The following KCND2 variants were observed in gnomAD, a reference collection of about 807,000 sequenced individuals.
The protein encoded by KCND2 is A-type voltage-gated potassium channel KCND2.
KCND2 carries 16 observed loss-of-function variants against 54.4 expected under a neutral mutation model. That is an observed-to-expected ratio of 0.29 (90% confidence interval 0.20 to 0.45). The LOEUF is 0.45. KCND2 is among the 20% of genes least tolerant of loss of function. The pLI, the probability that KCND2 is intolerant of heterozygous loss-of-function variation, is 1.00. For synonymous variants in KCND2, 317 were observed against 310.7 expected, an observed-to-expected ratio of 1.02 and a Z score of -0.21; for missense variants, 486 against 824.2, an observed-to-expected ratio of 0.59 and a Z score of 5.02.
chr7:120,595,503 GTGTGTGTATATATATGTATATATA>G (rs1384979558), intron 1 of KCND2, among the ~76,000 whole-genome samples: 2 of 144,128 alleles, frequency 1.4e-5, no homozygotes, highest in African/African-American at 2.5e-5. Flanking sequence ...ATATATGTGT[GTGTGTGTATATATATGTATATATA>G]TGTGTATATA....
At chr7:120,456,691 C>T (rs1216701018) in intron 1 of KCND2, among the ~76,000 whole-genome samples, 1 of 152,182 alleles carries the variant, frequency 6.6e-6, no homozygotes. Flanking sequence ...GTTGCTTTTA[C>T]AGCTGGCATT....
At chr7:120,287,917 T>C (rs981184223) in intron 1 of KCND2, among the ~76,000 whole-genome samples, 1 of 152,104 alleles carries the variant, frequency 6.6e-6, no homozygotes, top group Non-Finnish European at 1.5e-5. Context: ...TTAGATATTA[T>C]AGATAGAAAA....
At chr7:120,417,311 A>G (rs562514406) in intron 1 of KCND2, among the ~76,000 whole-genome samples, 5 of 152,362 alleles carry the variant, frequency 3.3e-5, no homozygotes, top group Middle Eastern at 3.4e-3. Context: ...CAAATTTCAA[A>G]GAGACTTATA....
chr7:120,706,429 G>T (rs994486788), intron 1 of KCND2, among the ~76,000 whole-genome samples: 4 of 152,154 alleles, frequency 2.6e-5, no homozygotes, highest in Non-Finnish European at 5.9e-5. Context: ...TCTGGTGAAG[G>T]CTGCATCCTC....
intron 1 of KCND2, among the ~76,000 whole-genome samples, chr7:120,572,371 A>G (rs1203051015): frequency 6.6e-6 from 1 of 152,178 alleles, no homozygotes; most frequent in Non-Finnish European, 1.5e-5. Flanking sequence ...TACAAAAACA[A>G]TGCAGAGGTG....
At chr7:120,617,936 A>G (rs1330177749) in intron 1 of KCND2, among the ~76,000 whole-genome samples, 9 of 152,202 alleles carry the variant, frequency 5.9e-5, no homozygotes, top group Non-Finnish European at 1.2e-4. Context: ...GCATGTTCTC[A>G]CTTATAAGTG....
At chr7:120,622,616 C>T (rs987191041) in intron 1 of KCND2, among the ~76,000 whole-genome samples, 1 of 148,940 alleles carries the variant, frequency 6.7e-6, no homozygotes, top group African/African-American at 2.5e-5. Flanking sequence ...ATTAAGCTAA[C>T]GTCATTACCA....
intron 1 of KCND2, among the ~76,000 whole-genome samples, chr7:120,533,234 T>A (rs1791863718): frequency 6.6e-6 from 1 of 152,086 alleles, no homozygotes; most frequent in Non-Finnish European, 1.5e-5. Flanking sequence ...ATGTGAAAAC[T>A]TTTCTAACCA....
chr7:120,539,709 T>G (rs1791956438), intron 1 of KCND2, among the ~76,000 whole-genome samples: 4 of 152,200 alleles, frequency 2.6e-5, no homozygotes, highest in Admixed American at 1.3e-4. Context: ...GATTAATATA[T>G]TCTAGCAAAT....
At chr7:120,706,233 A>G (rs1414128983) in intron 1 of KCND2, among the ~76,000 whole-genome samples, 1 of 152,172 alleles carries the variant, frequency 6.6e-6, no homozygotes, top group Non-Finnish European at 1.5e-5. Context: ...TGAGTACCGA[A>G]GATTATATAA....
At chr7:120,390,237 A>G (rs1189595965) in intron 1 of KCND2, among the ~76,000 whole-genome samples, 1 of 151,884 alleles carries the variant, frequency 6.6e-6, no homozygotes, top group Non-Finnish European at 1.5e-5. Flanking sequence ...GGTTCCATAA[A>G]TATAGTATGT....
At chr7:120,341,967 G>T (rs923866893) in intron 1 of KCND2, among the ~76,000 whole-genome samples, 1 of 152,050 alleles carries the variant, frequency 6.6e-6, no homozygotes, top group Non-Finnish European at 1.5e-5. Context: ...AATAGAAGTG[G>T]CCGTGTGTCA....
intron 1 of KCND2, among the ~76,000 whole-genome samples, chr7:120,289,075 CACAGAGAGAG>C (rs1410397978): frequency 1.1e-3 from 26 of 23,136 alleles, no homozygotes; most frequent in South Asian, 7.8e-3. Flanking sequence ...CACACACACA[CACAGAGAGAG>C]AGAGAGAGAC....
At chr7:120,430,940 A>C (rs1314348211) in intron 1 of KCND2, among the ~76,000 whole-genome samples, 1 of 152,232 alleles carries the variant, frequency 6.6e-6, no homozygotes, top group Non-Finnish European at 1.5e-5. Flanking sequence ...ATGAGTTAAT[A>C]AATTTCTGTA....
intron 1 of KCND2, among the ~76,000 whole-genome samples, chr7:120,551,715 C>T (rs1372587726): frequency 6.6e-6 from 1 of 152,184 alleles, no homozygotes; most frequent in Non-Finnish European, 1.5e-5. Flanking sequence ...TGCTATCAAA[C>T]TGTGCCTATT....
intron 1 of KCND2, among the ~76,000 whole-genome samples, chr7:120,493,691 T>G (rs2116304850): frequency 6.6e-6 from 1 of 152,228 alleles, no homozygotes; most frequent in East Asian, 1.9e-4. Context: ...CTGCTTGATT[T>G]GCAAAAATTC....
At chr7:120,593,505 T>C (rs1028341967) in intron 1 of KCND2, among the ~76,000 whole-genome samples, 3 of 151,976 alleles carry the variant, frequency 2.0e-5, no homozygotes, top group African/African-American at 7.3e-5. Flanking sequence ...AGCCAAGCAG[T>C]TGACTATGAT....
chr7:120,551,434 A>T (rs544125915), intron 1 of KCND2, among the ~76,000 whole-genome samples: 2 of 152,226 alleles, frequency 1.3e-5, no homozygotes, highest in African/African-American at 4.8e-5. Flanking sequence ...GGTATTGGAG[A>T]TATAATTTTG....
chr7:120,305,332 A>G (rs1799637275), intron 1 of KCND2, among the ~76,000 whole-genome samples: 1 of 152,152 alleles, frequency 6.6e-6, no homozygotes, highest in African/African-American at 2.4e-5. Context: ...CTATGTTGCT[A>G]TGACATTTTA....
Sources: allele counts gnomAD v4.1 joint callset (sites outside exome capture counted in the v4.1 genomes callset), GRCh38; gene constraint gnomAD v4.1.1; transcripts MANE v1.5; gene names NCBI Gene and HGNC (gene_info 2026-07-23, HGNC 2026-07-21).